The following ZNF804B variants were observed in gnomAD, a reference collection of about 807,000 sequenced individuals.
ZNF804B encodes zinc finger protein 804B, also known as zinc finger 804B.
Under a neutral mutation model 101.4 loss-of-function variants are expected in ZNF804B, and 80 were observed. The ratio of observed to expected loss-of-function variants is 0.79; its 90% CI spans 0.66 to 0.95. ZNF804B has a LOEUF of 0.95. Ranked by LOEUF, ZNF804B falls within the 40% of genes least tolerant of loss-of-function variation. The pLI, the probability that ZNF804B is intolerant of heterozygous loss-of-function variation, is 0.00. For synonymous variants in ZNF804B, 622 were observed against 558.8 expected (o/e 1.11, Z -1.59); for missense variants, 1,673 against 1,561.9 (o/e 1.07, Z -1.20).
At position 88,767,643 on chromosome 7, in the gene ZNF804B, G is replaced by T. The variant is rs140608488; in HGVS notation, c.108+7559G>T. Among the ~76,000 whole-genome samples the T allele has an allele frequency of 1.2e-4, 19 of 152,332 alleles. No individual in the cohort carries two copies. In the East Asian group the frequency reaches 1.9e-3, roughly 15 times the overall value. On this transcript the variant is annotated intron_variant, in intron 1 of 3. Transcript: ENST00000333190. ...CATCTGATATGAAAGGAAGAGGCAT[G>T]GAGGTGGCCATATTACTTGCATTCA...
Position 89,062,926 on chromosome 7 carries a change from A to G in ZNF804B, c.109-155229A>G, listed in dbSNP as rs1789401002. 3.3e-5 allele frequency among the ~76,000 whole-genome samples: 5 copies of G among 152,302 alleles called. No individual in the cohort carries two copies. The South Asian group carries it at 1.0e-3, about 32-fold the overall frequency. ...ATGAATAGAAGCTTAATAGTGGATT[A>G]AAGGCAGAGTTGTTCTGAAATTTTA... is the stretch of plus-strand genomic sequence containing the variant. On this transcript the variant is annotated intron_variant, in intron 1 of 3. Coordinates refer to ENST00000333190, the MANE Select transcript of ZNF804B (RefSeq NM_181646.5).
chr7:89,131,662 T>C (rs1341561019), intron 1 of ZNF804B, among the ~76,000 whole-genome samples: 3 of 152,054 alleles, frequency 2.0e-5, no homozygotes, highest in East Asian at 1.9e-4. Flanking sequence ...GAACTACTTA[T>C]GTGTGATTCT....
At chr7:88,889,005 A>G (rs1264858622) in intron 1 of ZNF804B, among the ~76,000 whole-genome samples, 3 of 152,010 alleles carry the variant, frequency 2.0e-5, no homozygotes, top group Admixed American at 6.6e-5. Context: ...CTGTGTGCTC[A>G]TTGTTTAACT....
At chr7:89,025,838 TA>T (rs1369735775) in intron 1 of ZNF804B, among the ~76,000 whole-genome samples, 1 of 152,190 alleles carries the variant, frequency 6.6e-6, no homozygotes, top group Non-Finnish European at 1.5e-5. Context: ...GTGTCCAAAC[TA>T]TTTTTTACTC....
chr7:89,136,768 C>CGT (rs1469792090), intron 1 of ZNF804B, among the ~76,000 whole-genome samples: 27 of 149,170 alleles, frequency 1.8e-4, no homozygotes, highest in East Asian at 1.6e-3. Context: ...TGTGTGTGCG[C>CGT]GCACGTGTGT....
At chr7:88,940,509 C>T (rs947481385) in intron 1 of ZNF804B, among the ~76,000 whole-genome samples, 13 of 151,894 alleles carry the variant, frequency 8.6e-5, no homozygotes, top group Admixed American at 2.0e-4. Flanking sequence ...TGGTGGCTCA[C>T]GCCTATAACC....
chr7:88,765,395 G>C (rs2718310), intron 1 of ZNF804B, among the ~76,000 whole-genome samples: 57,762 of 151,940 alleles, frequency 0.38, 13,680 homozygotes, highest in African/African-American at 0.68. Context: ...AGTTGTAACT[G>C]TGAAATTTTT....
At chr7:88,985,650 A>G (rs759158255) in intron 1 of ZNF804B, among the ~76,000 whole-genome samples, 4 of 152,138 alleles carry the variant, frequency 2.6e-5, no homozygotes, top group Non-Finnish European at 5.9e-5. Flanking sequence ...AAAAGCCACA[A>G]ACATTTAAGC....
chr7:88,858,840 G>A (rs746047655), intron 1 of ZNF804B, among the ~76,000 whole-genome samples: 8 of 152,086 alleles, frequency 5.3e-5, no homozygotes, highest in Non-Finnish European at 7.4e-5. Flanking sequence ...GGCAACAACT[G>A]TGAACTTGAT....
chr7:88,801,316 A>G (rs540581678), intron 1 of ZNF804B, among the ~76,000 whole-genome samples: 3 of 151,916 alleles, frequency 2.0e-5, no homozygotes, highest in South Asian at 2.1e-4. Flanking sequence ...AAAAAAAAAA[A>G]GTAACTTGGA....
intron 2 of ZNF804B, among the ~76,000 whole-genome samples, chr7:89,298,214 GTGTATA>G (rs1208514720): frequency 1.6e-3 from 93 of 58,664 alleles, no homozygotes; most frequent in African/African-American, 4.6e-3. Flanking sequence ...GTGTGTGTGT[GTGTATA>G]TATATATATA....
chr7:89,214,286 CA>C lies in ZNF804B; in HGVS notation c.109-3868del, dbSNP rs1396777114. 5.9e-5 allele frequency among the ~76,000 whole-genome samples: 9 copies of C among 152,044 alleles called. No individual in the cohort carries two copies. The East Asian group carries it at 1.4e-3, about 23-fold the overall frequency. ...ACAAGAAGCTTTCTTTTATGTCATA[CA>C]TTTTTTTTCTGTCAGATAAGCTTTC... is the stretch of plus-strand genomic sequence containing the variant. On this transcript the variant is annotated intron_variant, in intron 1 of 3. Transcript: ENST00000333190.
chr7:89,330,549 A>G (rs1486682707), intron 3 of ZNF804B, among the ~76,000 whole-genome samples: 2 of 151,712 alleles, frequency 1.3e-5, no homozygotes, highest in Non-Finnish European at 3.0e-5. Flanking sequence ...CCAAACTTGT[A>G]TTAAAATAGT....
intron 1 of ZNF804B, chr7:88,794,355 T>C (rs1409378150): frequency 6.2e-7 from 1 of 1,613,916 alleles, no homozygotes; most frequent in East Asian, 2.2e-5. Flanking sequence ...AGTTATCGCC[T>C]GGTCCTTTAG....
chr7:89,009,321 A>G (rs1788417291), intron 1 of ZNF804B, among the ~76,000 whole-genome samples: 1 of 152,102 alleles, frequency 6.6e-6, no homozygotes, highest in Non-Finnish European at 1.5e-5. Flanking sequence ...TCATAATTTC[A>G]TTGTTTCAAT....
chr7:89,151,762 C>T (rs947238215), intron 1 of ZNF804B, among the ~76,000 whole-genome samples: 1 of 151,614 alleles, frequency 6.6e-6, no homozygotes, highest in African/African-American at 2.4e-5. Flanking sequence ...ATTTAAAGAA[C>T]CTTTTGTTAG....
intron 1 of ZNF804B, among the ~76,000 whole-genome samples, chr7:88,788,721 T>C (rs1790338306): frequency 6.6e-6 from 1 of 152,176 alleles, no homozygotes; most frequent in African/African-American, 2.4e-5. Flanking sequence ...TTAATGAAGA[T>C]ACAAACATGT....
intron 2 of ZNF804B, among the ~76,000 whole-genome samples, chr7:89,253,276 A>G (rs1051329134): frequency 1.3e-5 from 2 of 152,160 alleles, no homozygotes. Flanking sequence ...AAATGTAAAA[A>G]CTAATAAAAA....
chr7:88,855,431 G>A (rs1791539339), intron 1 of ZNF804B, among the ~76,000 whole-genome samples: 1 of 151,772 alleles, frequency 6.6e-6, no homozygotes, highest in South Asian at 2.1e-4. Flanking sequence ...CATATCCTTT[G>A]CCCACTTGTT....
Sources: gnomAD v4.1 joint callset for allele counts (sites outside exome capture counted in the v4.1 genomes callset) on GRCh38, gnomAD v4.1.1 for gene constraint, MANE v1.5 for transcripts, NCBI Gene and HGNC (gene_info 2026-07-23, HGNC 2026-07-21) for gene names.